The following LINGO2 variants were observed in gnomAD, a reference collection of about 807,000 sequenced individuals.
LINGO2 encodes the protein leucine-rich repeat and immunoglobulin-like domain-containing nogo receptor-interacting protein 2.
A neutral mutation model predicts 30.6 loss-of-function variants in LINGO2; 14 were observed. The ratio of observed to expected loss-of-function variants is 0.46; its 90% confidence interval spans 0.30 to 0.72. The LOEUF is 0.72. Ranked by LOEUF, LINGO2 falls within the 30% of genes least tolerant of loss-of-function variation. The pLI is 0.07. For synonymous variants in LINGO2, 317 were observed against 288.5 expected, an observed-to-expected ratio of 1.10 and a Z score of -1.00; for missense variants, 729 against 751.7, an observed-to-expected ratio of 0.97 and a Z score of 0.35.
chr9:28,078,331 T>C (rs1825683297), intron 4 of LINGO2, among the ~76,000 whole-genome samples: 1 of 148,876 alleles, frequency 6.7e-6, no homozygotes, highest in Non-Finnish European at 1.5e-5. Context: ...CCAGCAATGT[T>C]TGAGGAATAT....
chr9:28,025,505 T>TA (rs1331522919), intron 4 of LINGO2, among the ~76,000 whole-genome samples: 47 of 152,326 alleles, frequency 3.1e-4, no homozygotes, highest in African/African-American at 7.9e-4. Flanking sequence ...GAGAGGCCTG[T>TA]ATTTAATGAA....
chr9:28,326,816 G>C (rs113639701), intron 3 of LINGO2, among the ~76,000 whole-genome samples: 88 of 152,268 alleles, frequency 5.8e-4, no homozygotes, highest in Non-Finnish European at 1.1e-3. Flanking sequence ...GGTCACAAGA[G>C]AACAGGCACA....
At chr9:28,833,891 G>T in the LINGO2 span, among the ~76,000 whole-genome samples, 10 of 152,164 alleles carry the variant, frequency 6.6e-5, no homozygotes, top group Admixed American at 2.6e-4. Flanking sequence ...AGGTCTGCCT[G>T]ATCCAATTTT....
chr9:28,035,675 G>C (rs1823897203), intron 4 of LINGO2, among the ~76,000 whole-genome samples: 1 of 152,154 alleles, frequency 6.6e-6, no homozygotes, highest in Admixed American at 6.5e-5. Flanking sequence ...AAAATTCTAT[G>C]AATGTCTTAG....
the LINGO2 span, among the ~76,000 whole-genome samples, chr9:28,808,488 G>T: frequency 3.3e-5 from 5 of 152,094 alleles, no homozygotes; most frequent in Admixed American, 1.3e-4. Flanking sequence ...TAGTAATAAA[G>T]TGAAACAATT....
At chr9:28,452,200 A>T (rs1020179301) in intron 2 of LINGO2, among the ~76,000 whole-genome samples, 3 of 151,772 alleles carry the variant, frequency 2.0e-5, no homozygotes, top group Admixed American at 1.3e-4. Flanking sequence ...TATTCAGACA[A>T]TTACTCTCAT....
the LINGO2 span, among the ~76,000 whole-genome samples, chr9:29,011,870 A>T: frequency 6.6e-6 from 1 of 152,212 alleles, no homozygotes; most frequent in Non-Finnish European, 1.5e-5. Context: ...AGAAACAGAA[A>T]ATCACTTTTT....
intron 4 of LINGO2, among the ~76,000 whole-genome samples, chr9:28,033,337 T>C (rs1252051865): frequency 1.3e-5 from 2 of 151,954 alleles, no homozygotes; most frequent in African/African-American, 4.8e-5. Flanking sequence ...CCCTCCGAAA[T>C]GGGAGCATGT....
At chr9:28,340,249 A>T (rs1240140599) in intron 3 of LINGO2, among the ~76,000 whole-genome samples, 1 of 152,194 alleles carries the variant, frequency 6.6e-6, no homozygotes, top group Admixed American at 6.6e-5. Flanking sequence ...TCATAAAGTT[A>T]GTATGAAGAT....
the LINGO2 span, among the ~76,000 whole-genome samples, chr9:29,044,971 C>G: frequency 6.6e-6 from 1 of 152,086 alleles, no homozygotes; most frequent in African/African-American, 2.4e-5. Flanking sequence ...TTCTCTCTCT[C>G]TTTCTTGTAA....
chr9:28,718,669 C>T, the LINGO2 span, among the ~76,000 whole-genome samples: 1 of 152,006 alleles, frequency 6.6e-6, no homozygotes, highest in Non-Finnish European at 1.5e-5. Context: ...TAAAAGCCTA[C>T]CAATTTTTTA....
the LINGO2 span, among the ~76,000 whole-genome samples, chr9:28,892,281 T>C: frequency 6.6e-6 from 1 of 151,986 alleles, no homozygotes; most frequent in South Asian, 2.1e-4. Context: ...GGCTTATTTC[T>C]CCATAGTGAT....
At chr9:28,859,218 C>G in the LINGO2 span, among the ~76,000 whole-genome samples, 1 of 152,076 alleles carries the variant, frequency 6.6e-6, no homozygotes, top group South Asian at 2.1e-4. Context: ...AGCAAAATTG[C>G]AGAGATTTAG....
chr9:28,036,514 G>A (rs796845265), intron 4 of LINGO2, among the ~76,000 whole-genome samples: 26 of 152,280 alleles, frequency 1.7e-4, no homozygotes, highest in African/African-American at 6.3e-4. Context: ...TATCTGTCTA[G>A]AAGGAAGAAT....
At chr9:28,860,097 T>C in the LINGO2 span, among the ~76,000 whole-genome samples, 1 of 152,004 alleles carries the variant, frequency 6.6e-6, no homozygotes, top group Non-Finnish European at 1.5e-5. Context: ...CACATTCCCA[T>C]AGAAATATGT....
chr9:28,160,656 T>C (rs979350523), intron 4 of LINGO2, among the ~76,000 whole-genome samples: 1 of 152,232 alleles, frequency 6.6e-6, no homozygotes, highest in East Asian at 1.9e-4. Flanking sequence ...CAGCCATTCA[T>C]TTATTCACTA....
At chr9:28,902,644 A>G in the LINGO2 span, among the ~76,000 whole-genome samples, 2 of 152,162 alleles carry the variant, frequency 1.3e-5, no homozygotes, top group East Asian at 3.8e-4. Context: ...GACAGAAAAT[A>G]AGTCTTAAGA....
chr9:28,184,190 A>G (rs1024147574), intron 4 of LINGO2, among the ~76,000 whole-genome samples: 1 of 152,168 alleles, frequency 6.6e-6, no homozygotes, highest in Non-Finnish European at 1.5e-5. Context: ...TAATGGGAAA[A>G]GGGGAGGTAG....
chr9:29,128,672 C>T, the LINGO2 span, among the ~76,000 whole-genome samples: 1 of 152,062 alleles, frequency 6.6e-6, no homozygotes, highest in African/African-American at 2.4e-5. Context: ...TGGTTCACAG[C>T]CTTCATTGGG....
Sources: allele counts gnomAD v4.1 joint callset (sites outside exome capture counted in the v4.1 genomes callset), GRCh38; gene constraint gnomAD v4.1.1; transcripts MANE v1.5; gene names NCBI Gene and HGNC (gene_info 2026-07-23, HGNC 2026-07-21).